Variants in STAT4 observed in about 807,000 individuals in gnomAD.
STAT4 encodes signal transducer and activator of transcription 4.
STAT4 carries 42 observed loss-of-function variants against 110.5 expected under a neutral mutation model. The ratio of observed to expected loss-of-function variants is 0.38; its 90% CI spans 0.30 to 0.49. STAT4 has a LOEUF of 0.49. Ranked by LOEUF, STAT4 falls within the 20% of genes least tolerant of loss-of-function variation. The pLI is 0.95. For synonymous variants in STAT4, 284 were observed against 302.2 expected (o/e 0.94, Z 0.63); for missense variants, 632 against 887.9 (o/e 0.71, Z 3.66).
At chr2:191,118,956 A>T (rs572757171) in intron 3 of STAT4, among the ~76,000 whole-genome samples, 1 of 152,180 alleles carries the variant, frequency 6.6e-6, no homozygotes, top group South Asian at 2.1e-4. Context: ...TGGAAATATG[A>T]GGTATCACTA....
chr2:191,125,296 A>C (rs2125401814), intron 3 of STAT4, among the ~76,000 whole-genome samples: 1 of 152,078 alleles, frequency 6.6e-6, no homozygotes, highest in Middle Eastern at 3.4e-3. Flanking sequence ...CGAGGTTCTC[A>C]TTTTTTAGGC....
In STAT4 at chr2:191,061,947, C is replaced by T. The variant is rs1371861431; in HGVS notation, c.942-126G>A. 5.2e-6 allele frequency: 4 copies of T among 774,236 alleles called. No homozygotes were observed. The highest frequency in any genetic ancestry group is 3.6e-5 in the African/African-American group (2 of 56,096). The allele number at this position is 774,236 out of a possible 1,614,324, so 48.0% of individuals were successfully genotyped here. On this transcript the variant is annotated intron_variant, in intron 9 of 23. Transcript: ENST00000392320. This position sits in a 1 kb window ranked among gnomAD's most constrained non-coding sequence, Gnocchi z 6.2. ...TTCTACACTTAGAAGATATTCAAACCCCCAATTAAACTCAAATCTTTACAA... is the reference window on the plus strand; with the variant it reads ...TTCTACACTTAGAAGATATTCAAACTCCCAATTAAACTCAAATCTTTACAA...
At chr2:191,075,250 A>C (rs2125264938) in intron 4 of STAT4, among the ~76,000 whole-genome samples, 1 of 152,350 alleles carries the variant, frequency 6.6e-6, no homozygotes, top group South Asian at 2.1e-4. Context: ...TCACTTGGAA[A>C]ATTAATTACA....
intron 3 of STAT4, among the ~76,000 whole-genome samples, chr2:191,118,447 C>T (rs1454606178): frequency 1.3e-5 from 2 of 152,148 alleles, no homozygotes; most frequent in Non-Finnish European, 2.9e-5. Flanking sequence ...TCTTTCACTT[C>T]CTCCCTTGAT....
chr2:191,071,931 T>C (rs1221307831), intron 5 of STAT4, among the ~76,000 whole-genome samples: 1 of 152,090 alleles, frequency 6.6e-6, no homozygotes, highest in Non-Finnish European at 1.5e-5. Context: ...CCCAGGAGCA[T>C]AACATGCACC....
rs1048564315 is a variant in STAT4, at chr2:191,077,900, T to C, written c.274-1575A>G. ...GACTGAAACTCAAAAGGTAAAGAAA[T>C]AAAAATGATCCTATTTATGAAGCGG... On this transcript the variant is annotated intron_variant, in intron 3 of 23. Coordinates refer to ENST00000392320, the MANE Select transcript of STAT4 (RefSeq NM_003151.4). This position sits in a 1 kb window ranked among gnomAD's most constrained non-coding sequence, Gnocchi z 4.1. 2.6e-4 allele frequency among the ~76,000 whole-genome samples: 40 copies of C among 152,064 alleles called. No homozygotes were observed. Among genetic ancestry groups the C allele is most frequent in the Admixed American group, 2.6e-3 (40 of 15,266 alleles).
At chr2:191,122,396 T>G (rs1046669815) in intron 3 of STAT4, among the ~76,000 whole-genome samples, 2 of 151,634 alleles carry the variant, frequency 1.3e-5, no homozygotes, top group Non-Finnish European at 2.9e-5. Context: ...TCTCATATAC[T>G]TCTGTGACAG....
chr2:191,111,421 T>G (rs1404210401), intron 3 of STAT4, among the ~76,000 whole-genome samples: 1 of 152,224 alleles, frequency 6.6e-6, no homozygotes, highest in East Asian at 1.9e-4. Flanking sequence ...TTTTTTCAAA[T>G]GATCACAAAT....
rs1698103850 is a variant in STAT4, at chr2:191,099,697, G to A, written c.274-23372C>T. Among the ~76,000 whole-genome samples, 1 of 151,696 alleles carries A rather than the reference G, an allele frequency of 6.6e-6. No homozygotes were observed. Among genetic ancestry groups the A allele is most frequent in the Non-Finnish European group, 1.5e-5 (1 of 67,894 alleles). On this transcript the variant is annotated intron_variant, in intron 3 of 23. Coordinates refer to ENST00000392320, the MANE Select transcript of STAT4 (RefSeq NM_003151.4). This position sits in a 1 kb window ranked among gnomAD's most constrained non-coding sequence, Gnocchi z 4.1. ...TTTTTTTCCATTTTTATTTAATTAG[G>A]TAAACATAGATACACATATGGAAAG...
chr2:191,126,947 G>A lies in STAT4; in HGVS notation c.273+19666C>T, dbSNP rs544495230. 2.6e-5 allele frequency among the ~76,000 whole-genome samples: 4 copies of A among 152,090 alleles called. No individual in the cohort carries two copies. In the East Asian group the frequency reaches 5.8e-4, roughly 22 times the overall value. On this transcript the variant is annotated intron_variant, in intron 3 of 23. Transcript: ENST00000392320. ...TCAGCCTCCCACCTCACCCTCCCACGTAGCTGAGTCTACAGGCACACACCA... is the reference window on the plus strand; with the variant it reads ...TCAGCCTCCCACCTCACCCTCCCACATAGCTGAGTCTACAGGCACACACCA...
rs962027867 is a variant in STAT4 at position 191,110,887 on chromosome 2, G to A, written c.274-34562C>T. Reference sequence around the variant, plus strand: ...CAACCTCTGCCTCCTGGGTTCAAGCGATTCCCCTGCCTCAGCCTCCTGAGT... The same window carrying A: ...CAACCTCTGCCTCCTGGGTTCAAGCAATTCCCCTGCCTCAGCCTCCTGAGT... On this transcript the variant is annotated intron_variant, in intron 3 of 23. Coordinates refer to ENST00000392320, the MANE Select transcript of STAT4 (RefSeq NM_003151.4). The surrounding 1 kb of genome is among the most constrained non-coding windows in gnomAD (Gnocchi z 4.5). 1.3e-5 allele frequency among the ~76,000 whole-genome samples: 2 copies of A among 152,082 alleles called. No homozygotes were observed. Among genetic ancestry groups the A allele is most frequent in the South Asian group, 2.1e-4 (1 of 4,808 alleles).
rs115488376 is a variant in STAT4, at chr2:191,046,933, C to G, written c.1252-5785G>C. On this transcript the variant is annotated intron_variant, in intron 14 of 23. Coordinates refer to ENST00000392320, the MANE Select transcript of STAT4 (RefSeq NM_003151.4). This position sits in a 1 kb window ranked among gnomAD's most constrained non-coding sequence, Gnocchi z 4.6. ...ATCTTGGTGGGCTTCTAAATAGCCT[C>G]AGGATGAGAGTTGGTTGCTAGGGGA... Among the ~76,000 whole-genome samples, 1 of 151,998 alleles carries G rather than the reference C, an allele frequency of 6.6e-6. No individual in the cohort carries two copies. The highest frequency in any genetic ancestry group is 2.4e-5 in the African/African-American group (1 of 41,446).
intron 3 of STAT4, among the ~76,000 whole-genome samples, chr2:191,120,968 A>G (rs1261013236): frequency 6.6e-6 from 1 of 152,238 alleles, no homozygotes; most frequent in Non-Finnish European, 1.5e-5. Flanking sequence ...AGAAACTACC[A>G]TCAGAGTGAA....
At chr2:191,130,452 G>T (rs185617246) in intron 3 of STAT4, among the ~76,000 whole-genome samples, 2 of 151,660 alleles carry the variant, frequency 1.3e-5, no homozygotes, top group East Asian at 3.9e-4. Context: ...TCGATCTCCT[G>T]ACCTCGTGAT....
rs1697361292 is a variant in STAT4 at position 191,077,944 on chromosome 2, T to C, written c.274-1619A>G. Among the ~76,000 whole-genome samples, 1 of 152,150 alleles carries C rather than the reference T, an allele frequency of 6.6e-6. No homozygotes were observed. Among genetic ancestry groups the C allele is most frequent in the Non-Finnish European group, 1.5e-5 (1 of 68,018 alleles). ...GAAGCGGGGATACCATTTTTTCCAT[T>C]TCCGTGTGTCGACAATTTCAGATTC... On this transcript the variant is annotated intron_variant, in intron 3 of 23. Coordinates refer to ENST00000392320, the MANE Select transcript of STAT4 (RefSeq NM_003151.4). This position sits in a 1 kb window ranked among gnomAD's most constrained non-coding sequence, Gnocchi z 4.1.
chr2:191,136,313 TCTCTGAGAG>T (rs1425807014), intron 3 of STAT4, among the ~76,000 whole-genome samples: 1 of 152,206 alleles, frequency 6.6e-6, no homozygotes, highest in Non-Finnish European at 1.5e-5. Context: ...GAAAGTCTTT[TCTCTGAGAG>T]CTCTGAGAGC....
intron 3 of STAT4, among the ~76,000 whole-genome samples, chr2:191,136,952 A>C (rs1375366865): frequency 2.0e-5 from 3 of 152,236 alleles, no homozygotes; most frequent in African/African-American, 4.8e-5. Flanking sequence ...AGACAATCTC[A>C]TTTATAATAC....
rs1696762504 is a variant in STAT4 at position 191,058,413 on chromosome 2, T to C, written c.1095-194A>G. ...CCTGGGTTCAAGCGATTCTCCTGCC[T>C]CAGCCTCCTGAGTAGCTGGGATTAC... is the stretch of plus-strand genomic sequence containing the variant. On this transcript the variant is annotated intron_variant, in intron 11 of 23. Transcript: ENST00000392320. This position sits in a 1 kb window ranked among gnomAD's most constrained non-coding sequence, Gnocchi z 4.3. Among the ~76,000 whole-genome samples the C allele has an allele frequency of 6.6e-6, 1 of 152,186 alleles. No homozygotes were observed. The highest frequency in any genetic ancestry group is 1.5e-5 in the Non-Finnish European group (1 of 68,026).
intron 14 of STAT4, among the ~76,000 whole-genome samples, chr2:191,047,453 T>C (rs1481650285): frequency 6.6e-6 from 1 of 152,168 alleles, no homozygotes; most frequent in Non-Finnish European, 1.5e-5. Flanking sequence ...TGGGACTAAG[T>C]CCTTAGCCTG....
Sources: gnomAD v4.1 joint callset for allele counts (sites outside exome capture counted in the v4.1 genomes callset) on GRCh38, gnomAD v4.1.1 for gene constraint, Gnocchi (gnomAD v3.1) non-coding constraint, MANE v1.5 for transcripts, NCBI Gene and HGNC (gene_info 2026-07-23, HGNC 2026-07-21) for gene names.